The following PRUNE2 variants were observed in gnomAD, a reference collection of about 807,000 sequenced individuals.
The protein encoded by PRUNE2 is prune homolog 2 with BCH domain.
PRUNE2 carries 164 observed loss-of-function variants against 252.0 expected under a neutral mutation model. The ratio of observed to expected loss-of-function variants is 0.65; its 90% CI spans 0.57 to 0.74. The LOEUF is 0.74. PRUNE2 is among the 30% of genes least tolerant of loss of function. PRUNE2 has a pLI of 0.00. For missense variants in PRUNE2, 3,495 were observed against 3,711.0 expected (o/e 0.94, Z 1.51); for synonymous variants, 1,292 against 1,350.2 (o/e 0.96, Z 0.94).
chr9:76,788,960 A>C (rs2055291611), intron 6 of PRUNE2, among the ~76,000 whole-genome samples: 1 of 152,188 alleles, frequency 6.6e-6, no homozygotes, highest in African/African-American at 2.4e-5. Flanking sequence ...AGCAAGTATC[A>C]TACAAACTCT....
chr9:76,738,052 G>A (rs1370574550), intron 6 of PRUNE2: 1 of 152,154 alleles, frequency 6.6e-6, no homozygotes, highest in Non-Finnish European at 1.5e-5. Context: ...ACCTACAGCT[G>A]TGTTTTAAAT....
chr9:76,710,573 A>T lies in PRUNE2; in HGVS notation c.1701T>A (p.Asp567Glu). Residue 567 changes from aspartate to glutamate, a missense_variant, in exon 8 of 19, where the codon GAT becomes GAA. By Grantham distance (45) the Asp-to-Glu change is conservative. Transcript: ENST00000376718. ...TGTCTTGTCTCTGGACAAACTCCTC[A>T]TCATGTTCCACAAGGCTATCTTTGC... ...GAGKDSLVEH[D>E]EEFVQRQDSP... The T allele has an allele frequency of 6.2e-7, 1 of 1,613,860 alleles. No homozygotes were observed. The highest frequency in any genetic ancestry group is 8.5e-7 in the Non-Finnish European group (1 of 1,179,834).
Position 76,616,975 on chromosome 9 carries a change from AATAC to A in PRUNE2, c.9236+2361_9236+2364del, listed in dbSNP as rs1182166071. ...CTATTTAAAAATAAATAAATAAATAAATACATAAATAAATAAATAAATAAAAGTA... is the reference window on the plus strand; with the variant it reads ...CTATTTAAAAATAAATAAATAAATAAATAAATAAATAAATAAATAAAAGTA... On this transcript the variant is annotated intron_variant, in intron 18 of 18. Transcript: ENST00000376718. Among the ~76,000 whole-genome samples the A allele has an allele frequency of 2.5e-3, 378 of 150,260 alleles. 4 individuals carry two copies. The highest frequency in any genetic ancestry group is 9.0e-3 in the African/African-American group (360 of 40,082).
At chr9:76,787,124 T>G (rs1180402921) in intron 6 of PRUNE2, 1 of 152,234 alleles carries the variant, frequency 6.6e-6, no homozygotes, top group East Asian at 1.9e-4. Flanking sequence ...ATCAATTTTT[T>G]AAACTTGCTG....
intron 18 of PRUNE2, chr9:76,615,274 C>T (rs1016623873): frequency 1.0e-6 from 1 of 980,450 alleles, no homozygotes; most frequent in Non-Finnish European, 1.2e-6. Flanking sequence ...AACCAAAAGC[C>T]AGTAAATAGA....
chr9:76,882,695 G>A (rs964789718), intron 1 of PRUNE2, among the ~76,000 whole-genome samples: 2 of 152,128 alleles, frequency 1.3e-5, no homozygotes, highest in African/African-American at 2.4e-5. Context: ...CACAGGAGCC[G>A]TACCAGGGGA....
chr9:76,729,982 T>C (rs886427009), intron 6 of PRUNE2, among the ~76,000 whole-genome samples: 14 of 152,254 alleles, frequency 9.2e-5, no homozygotes, highest in African/African-American at 3.1e-4. Context: ...CATATTTTTC[T>C]TGAGAGCATG....
chr9:76,873,922 TTATAA>T (rs1318765869), intron 1 of PRUNE2, among the ~76,000 whole-genome samples: 1 of 152,238 alleles, frequency 6.6e-6, no homozygotes, highest in Non-Finnish European at 1.5e-5. Flanking sequence ...TACCATATGC[TTATAA>T]ATGTTATTCT....
At chr9:76,723,346 C>T (rs909050046) in intron 6 of PRUNE2, among the ~76,000 whole-genome samples, 4 of 152,244 alleles carry the variant, frequency 2.6e-5, no homozygotes, top group South Asian at 2.1e-4. Context: ...ACACAAGCAA[C>T]GGAAGAAGCC....
chr9:76,742,689 T>C (rs2049750600), intron 6 of PRUNE2, among the ~76,000 whole-genome samples: 1 of 151,172 alleles, frequency 6.6e-6, no homozygotes, highest in African/African-American at 2.4e-5. Flanking sequence ...GCAAAAGACA[T>C]AAACATGCAA....
chr9:76,891,713 G>A (rs1272047630), intron 1 of PRUNE2, among the ~76,000 whole-genome samples: 1 of 152,156 alleles, frequency 6.6e-6, no homozygotes, highest in Non-Finnish European at 1.5e-5. Flanking sequence ...CTCTCAATGA[G>A]ACCTTCAAAC....
chr9:76,642,663 C>G (rs1843068271), intron 12 of PRUNE2, among the ~76,000 whole-genome samples: 1 of 152,198 alleles, frequency 6.6e-6, no homozygotes, highest in Non-Finnish European at 1.5e-5. Flanking sequence ...AGCCGAAGGA[C>G]AAACTCAGTA....
intron 6 of PRUNE2, among the ~76,000 whole-genome samples, chr9:76,723,406 A>G (rs2047817192): frequency 6.6e-6 from 1 of 152,200 alleles, no homozygotes; most frequent in Admixed American, 6.5e-5. Flanking sequence ...GATGCTCCCA[A>G]TATAAGCTGA....
At chr9:76,814,531 G>C (rs1353430904) in intron 6 of PRUNE2, among the ~76,000 whole-genome samples, 2 of 152,150 alleles carry the variant, frequency 1.3e-5, no homozygotes, top group African/African-American at 4.8e-5. Context: ...AATGATATGT[G>C]GTTTTAAGCC....
At chr9:76,782,095 T>C (rs1335164839) in intron 6 of PRUNE2, among the ~76,000 whole-genome samples, 2 of 152,114 alleles carry the variant, frequency 1.3e-5, no homozygotes, top group East Asian at 3.9e-4. Context: ...GCACCTGTAG[T>C]CCCAGCTACT....
At chr9:76,763,496 CCACTT>C (rs1488476003) in intron 6 of PRUNE2, among the ~76,000 whole-genome samples, 1 of 152,162 alleles carries the variant, frequency 6.6e-6, no homozygotes, top group Non-Finnish European at 1.5e-5. Flanking sequence ...ACTCGTAATA[CCACTT>C]CAAACACAAG....
At chr9:76,620,862 C>T (rs1831995443) in intron 17 of PRUNE2, among the ~76,000 whole-genome samples, 1 of 152,172 alleles carries the variant, frequency 6.6e-6, no homozygotes, top group Non-Finnish European at 1.5e-5. Context: ...TTTGCAAACC[C>T]TTTAATACTG....
intron 6 of PRUNE2, chr9:76,788,450 T>C (rs757638751): frequency 3.7e-5 from 28 of 748,866 alleles, no homozygotes; most frequent in South Asian, 3.4e-4. Context: ...GTCCCAGGCA[T>C]GCATTTGGAG....
At chr9:76,905,031 AG>A (rs1393027783) in intron 1 of PRUNE2, among the ~76,000 whole-genome samples, 2 of 152,242 alleles carry the variant, frequency 1.3e-5, no homozygotes, top group African/African-American at 4.8e-5. Flanking sequence ...TTTCTATGCC[AG>A]GCCTGTAAAA....
Sources: gnomAD v4.1 joint callset for allele counts (sites outside exome capture counted in the v4.1 genomes callset) on GRCh38, gnomAD v4.1.1 for gene constraint, MANE v1.5 for transcripts, NCBI Gene and HGNC (gene_info 2026-07-23, HGNC 2026-07-21) for gene names.